DNAJC13: variants seen among roughly 807,000 people sequenced by gnomAD.
DNAJC13 encodes DnaJ heat shock protein family (Hsp40) member C13, also known as dnaJ homolog subfamily C member 13.
In DNAJC13, 75 loss-of-function variants were observed where a neutral mutation model predicts 290.5. The observed-to-expected ratio is 0.26, with a 90% CI of 0.21 to 0.31. The LOEUF is 0.31. Among genes scored for constraint, DNAJC13 ranks in the 10% least tolerant of loss-of-function variants. The probability of loss-of-function intolerance (pLI) is 1.00; values close to 1 mark genes in which losing one functional copy is unlikely to be tolerated. For missense variants in DNAJC13, 2,260 were observed against 2,674.5 expected (o/e 0.85, Z 3.42); for synonymous variants, 862 against 892.0 (o/e 0.97, Z 0.60).
intron 51 of DNAJC13, 65 bp from the exon 52 acceptor site, chr3:132,525,545 T>C: frequency 4.0e-6 from 6 of 1,516,944 alleles, no homozygotes; most frequent in Non-Finnish European, 5.4e-6. Flanking sequence ...CCAAATACAT[T>C]ACCTTGGATA....
At chr3:132,420,455 G>A (rs1474614745) in intron 1 of DNAJC13, among the ~76,000 whole-genome samples, 1 of 152,094 alleles carries the variant, frequency 6.6e-6, no homozygotes, top group South Asian at 2.1e-4. Flanking sequence ...AACTGCAGTC[G>A]GGAGTGGTCA....
rs190982455 is a variant in DNAJC13 at position 132,445,376 on chromosome 3, G to T, written c.69-1099G>T. On this transcript the variant is annotated intron_variant, in intron 2 of 55. Coordinates refer to ENST00000260818, the MANE Select transcript of DNAJC13 (RefSeq NM_015268.4). ...TCACGGTGTATTACTATTTTAAAAT[G>T]CGACTTGATTGTTACTGCTAATATT... 5.8e-4 allele frequency among the ~76,000 whole-genome samples: 88 copies of T among 152,056 alleles called. 1 individual carries two copies. Among genetic ancestry groups the T allele is most frequent in the Admixed American group, 5.4e-3 (82 of 15,280 alleles).
Position 132,453,467 on chromosome 3 carries a change from C to T in DNAJC13, c.707C>T (p.Ala236Val). The T allele has an allele frequency of 1.2e-6, 2 of 1,613,940 alleles. No individual in the cohort carries two copies. Among genetic ancestry groups the T allele is most frequent in the Non-Finnish European group, 1.7e-6 (2 of 1,179,920 alleles). ...YSTDESITSL[A>V]EFVVQKISPR... Reference sequence around the variant, plus strand: ...ACTGATGAATCCATCACATCTTTAGCAGAGTTTGTAGTCCAAAAAATATCA... The same window carrying T: ...ACTGATGAATCCATCACATCTTTAGTAGAGTTTGTAGTCCAAAAAATATCA... The change falls in exon 7 of 56, where the codon GCA (alanine) becomes GTA (valine). Residue 236 changes from alanine to valine, a missense_variant. Transcript: ENST00000260818.
At chr3:132,455,368 G>T (rs1933565039) in intron 9 of DNAJC13, among the ~76,000 whole-genome samples, 1 of 152,124 alleles carries the variant, frequency 6.6e-6, no homozygotes, top group Non-Finnish European at 1.5e-5. Context: ...ATGGAGAAAA[G>T]AACTCTCATA....
At chr3:132,465,163 CAA>C (rs902471767) in intron 17 of DNAJC13, among the ~76,000 whole-genome samples, 1 of 152,076 alleles carries the variant, frequency 6.6e-6, no homozygotes, top group Admixed American at 6.6e-5. Context: ...TTTCTGGTGA[CAA>C]AGTATATTTT....
intron 55 of DNAJC13, among the ~76,000 whole-genome samples, chr3:132,531,687 C>T (rs34215525): frequency 6.6e-6 from 1 of 151,858 alleles, no homozygotes; most frequent in East Asian, 1.9e-4. Context: ...GTCCCATCTA[C>T]TCGGGAGGCT....
intron 24 of DNAJC13, among the ~76,000 whole-genome samples, chr3:132,478,439 C>T (rs1423508040): frequency 6.6e-6 from 1 of 152,158 alleles, no homozygotes; most frequent in Non-Finnish European, 1.5e-5. Context: ...GAAATGGTGA[C>T]TTGTAGAGTT....
chr3:132,485,826 T>G (rs1934852235), intron 29 of DNAJC13, among the ~76,000 whole-genome samples: 1 of 152,208 alleles, frequency 6.6e-6, no homozygotes, highest in Non-Finnish European at 1.5e-5. Flanking sequence ...TTCTGCTTTT[T>G]TGGAATTAAG....
intron 1 of DNAJC13, among the ~76,000 whole-genome samples, chr3:132,429,568 T>C (rs1452194557): frequency 1.3e-5 from 2 of 152,228 alleles, no homozygotes; most frequent in South Asian, 2.1e-4. Flanking sequence ...ATAAGTTGTT[T>C]AATAATTTCA....
intron 2 of DNAJC13, among the ~76,000 whole-genome samples, chr3:132,441,911 C>T (rs1933084131): frequency 6.6e-6 from 1 of 151,886 alleles, no homozygotes; most frequent in South Asian, 2.1e-4. Context: ...CTTTAAAGGA[C>T]TCCTATTCAC....
intron 14 of DNAJC13, 54 bp from the exon 15 acceptor site, chr3:132,460,996 A>C: frequency 6.6e-7 from 1 of 1,522,182 alleles, no homozygotes; most frequent in Non-Finnish European, 9.0e-7. Context: ...GTTAAAATTT[A>C]ACTGAAGGTC....
intron 20 of DNAJC13, among the ~76,000 whole-genome samples, chr3:132,472,238 C>T (rs1266983539): frequency 6.6e-6 from 1 of 152,164 alleles, no homozygotes; most frequent in Non-Finnish European, 1.5e-5. Flanking sequence ...GAGAGGGAGA[C>T]AGAGGGAGAG....
chr3:132,496,187 G>T (rs1053673332), intron 35 of DNAJC13, among the ~76,000 whole-genome samples: 1 of 152,040 alleles, frequency 6.6e-6, no homozygotes, highest in Non-Finnish European at 1.5e-5. Context: ...TGAGATTATG[G>T]CATTTAGCAC....
chr3:132,486,352 A>G (rs1353382667), intron 29 of DNAJC13, among the ~76,000 whole-genome samples: 1 of 151,964 alleles, frequency 6.6e-6, no homozygotes, highest in Non-Finnish European at 1.5e-5. Flanking sequence ...CAAAAGATCA[A>G]CCGCTCCCAT....
At chr3:132,476,552 C>A (rs1417180267) in intron 22 of DNAJC13, among the ~76,000 whole-genome samples, 1 of 152,206 alleles carries the variant, frequency 6.6e-6, no homozygotes, top group Non-Finnish European at 1.5e-5. Flanking sequence ...CCTTGGTGCT[C>A]TTGTGGTTTC....
intron 55 of DNAJC13, 105 bp downstream of exon 55, chr3:132,531,202 C>T: frequency 4.3e-6 from 4 of 937,814 alleles, no homozygotes; most frequent in Non-Finnish European, 6.7e-6. Context: ...GTTTCTTAGG[C>T]TACCAGCTGA....
At chr3:132,518,810 C>T (rs1433597320) in intron 48 of DNAJC13, among the ~76,000 whole-genome samples, 2 of 152,098 alleles carry the variant, frequency 1.3e-5, no homozygotes. Flanking sequence ...CTTTCATCAA[C>T]CCAAAAAGAA....
chr3:132,494,525 G>T (rs183251590), intron 34 of DNAJC13, among the ~76,000 whole-genome samples: 1 of 152,186 alleles, frequency 6.6e-6, no homozygotes, highest in East Asian at 1.9e-4. Context: ...CACCATATCT[G>T]ACACATGGTA....
Position 132,473,217 on chromosome 3 carries a change from T to C in DNAJC13, c.2281T>C (p.Phe761Leu). The change falls in exon 21 of 56, where the codon TTC becomes CTC. Residue 761 changes from phenylalanine (F) to leucine (L), a missense_variant. Physicochemically the swap from Phe to Leu is conservative, Grantham distance 22 (BLOSUM62 0). This residue lies in a region of DNAJC13 where 762 missense variants were observed against 964.1 expected (regional missense o/e 0.79). Coordinates refer to ENST00000260818, the MANE Select transcript of DNAJC13 (RefSeq NM_015268.4). ...RIKIEANWDLFYYRFGQDHAR... is the reference protein window; with the variant it reads ...RIKIEANWDLLYYRFGQDHAR... ...AAAAATAGAAGCAAATTGGGATCTC[T>C]TCTATTATAGGTAAACTTTAGGTCT... is the stretch of plus-strand genomic sequence containing the variant. 6.3e-7 allele frequency: 1 copy of C among 1,596,174 alleles called. No homozygotes were observed. Among genetic ancestry groups the C allele is most frequent in the Non-Finnish European group, 8.6e-7 (1 of 1,166,796 alleles).
Sources: allele counts gnomAD v4.1 joint callset (sites outside exome capture counted in the v4.1 genomes callset), GRCh38; gene constraint gnomAD v4.1.1; regional missense constraint gnomAD v4.1.1; transcripts MANE v1.5; gene names NCBI Gene and HGNC (gene_info 2026-07-23, HGNC 2026-07-21).